Variants in NBPF11 observed in about 807,000 individuals in gnomAD.
NBPF11 encodes the protein NBPF family member NBPF11.
NBPF11 carries 72 observed loss-of-function variants against 93.9 expected under a neutral mutation model. The ratio of observed to expected loss-of-function variants is 0.77; its 90% CI spans 0.63 to 0.93. The LOEUF (loss-of-function observed/expected upper bound fraction) is 0.93, where lower values mean the gene tolerates loss of function less well. Among genes scored for constraint, NBPF11 ranks in the 40% least tolerant of loss-of-function variants. NBPF11 has a pLI of 0.00. For synonymous variants in NBPF11, 224 were observed against 304.9 expected, an observed-to-expected ratio of 0.73 and a Z score of 2.76; for missense variants, 705 against 802.2, an observed-to-expected ratio of 0.88 and a Z score of 1.46.
intron 20 of NBPF11, 33 bp from the exon 21 acceptor site, chr1:148,106,265 A>T: frequency 1.6e-6 from 1 of 625,154 alleles, no homozygotes. Flanking sequence ...CAGACAAAAT[A>T]AGCCAATTCA....
At chr1:148,118,093 T>C (rs1168361264) in intron 11 of NBPF11, among the ~76,000 whole-genome samples, 9 of 150,548 alleles carry the variant, frequency 6.0e-5, no homozygotes, top group Admixed American at 5.9e-4. Flanking sequence ...ACTCTGGCCA[T>C]GGACATTTCC....
chr1:148,133,575 T>C (rs1401703932), intron 4 of NBPF11, among the ~76,000 whole-genome samples: 1 of 152,244 alleles, frequency 6.6e-6, no homozygotes, highest in Admixed American at 6.5e-5. Flanking sequence ...ATGCTTTTAC[T>C]GTGTATGACC....
In NBPF11 at chr1:148,120,375, C is replaced by T. The variant is rs1442218519; in HGVS notation, c.988+126G>A. ...CAACTTTAACAAAATGTTAAAATACCCATTTCTGTTTTCCTAGAAGTATGG... is the reference window on the plus strand; with the variant it reads ...CAACTTTAACAAAATGTTAAAATACTCATTTCTGTTTTCCTAGAAGTATGG... On this transcript the variant is annotated intron_variant, in intron 10 of 23. Transcript: ENST00000682118. 61 of 696,410 alleles carry T rather than the reference C, an allele frequency of 8.8e-5. No individual in the cohort carries two copies. In the East Asian group the frequency reaches 1.6e-3, roughly 18 times the overall value. The allele number at this position is 696,410 out of a possible 1,614,324, so 43.1% of individuals were successfully genotyped here.
In NBPF11 at chr1:148,120,716, G is replaced by T. The variant is rs1159425351; in HGVS notation, c.779-6C>A. On this transcript the variant is annotated splice_polypyrimidine_tract_variant and splice_region_variant and intron_variant, in intron 9 of 23. Coordinates refer to ENST00000682118, the MANE Select transcript of NBPF11 (RefSeq NM_001385469.3). ...AGAAGAGGTGGGGCCAGGGACTGGG[G>T]AGAAGAAAGGCAAACATATGATGGG... 246 of 1,490,804 alleles carry T rather than the reference G, an allele frequency of 1.7e-4. 1 individual carries two copies. In the South Asian group the frequency reaches 2.7e-3, roughly 16 times the overall value. The allele number at this position is 1,490,804 out of a possible 1,614,324, so 92.3% of individuals were successfully genotyped here.
At position 148,146,359 on chromosome 1, in the gene NBPF11, G is replaced by T. The variant is rs1391876260; in HGVS notation, c.-548-2673C>A. ...CAGGCCGGGCGGCGTTGTTGGCGGG[G>T]GCCCCGGTGGAGGCCCGGCCCGGGC... On this transcript the variant is annotated intron_variant, in intron 1 of 23. Transcript: ENST00000682118. The T allele has an allele frequency of 1.3e-5, 20 of 1,495,654 alleles. No homozygotes were observed. In the South Asian group the frequency reaches 2.6e-4, roughly 19 times the overall value. 92.6% of individuals were successfully genotyped at this position (1,495,654 alleles called of 1,614,324 possible).
At chr1:148,135,948 T>A in intron 3 of NBPF11, 135 bp from the exon 4 acceptor site, 2 of 667,606 alleles carry the variant, frequency 3.0e-6, no homozygotes, top group Non-Finnish European at 5.2e-6. Context: ...GTCACAGGAT[T>A]CTTTACATGA....
At chr1:148,146,766 G>T in intron 1 of NBPF11, 3 of 1,613,134 alleles carry the variant, frequency 1.9e-6, no homozygotes, top group Non-Finnish European at 2.5e-6. Flanking sequence ...CCGTGGACCT[G>T]GGCCAGATGA....
chr1:148,128,828 C>G (rs1669671997), intron 4 of NBPF11, among the ~76,000 whole-genome samples: 1 of 150,800 alleles, frequency 6.6e-6, no homozygotes, highest in Non-Finnish European at 1.5e-5. Context: ...TTATTTCACT[C>G]AAAATCGTTT....
At chr1:148,143,011 G>C (rs1190476762) in intron 2 of NBPF11, among the ~76,000 whole-genome samples, 14 of 152,260 alleles carry the variant, frequency 9.2e-5, no homozygotes, top group Admixed American at 7.8e-4. Context: ...TGGGGGATGC[G>C]GGTGGACAGG....
At position 148,102,296 on chromosome 1, in the gene NBPF11, G is replaced by C. The variant is rs1176271182; in HGVS notation, c.*1600C>G. ...TAAAAATTGAGACCCAAAATTTGCA[G>C]CGTAGAGATATGAATATAATAATAG... On this transcript the variant is annotated 3_prime_UTR_variant, in exon 24 of 24. Coordinates refer to ENST00000682118, the MANE Select transcript of NBPF11 (RefSeq NM_001385469.3). 1 of 151,862 alleles carries C rather than the reference G, an allele frequency of 6.6e-6. No homozygotes were observed. Among genetic ancestry groups the C allele is most frequent in the African/African-American group, 2.4e-5 (1 of 41,136 alleles). 9.4% of individuals were successfully genotyped at this position (151,862 alleles called of 1,614,324 possible).
At chr1:148,125,330 T>C (rs1449078560) in intron 5 of NBPF11, among the ~76,000 whole-genome samples, 1 of 151,944 alleles carries the variant, frequency 6.6e-6, no homozygotes, top group East Asian at 1.9e-4. Flanking sequence ...CAGCCTCTCC[T>C]CTAAAACACT....
At chr1:148,116,778 T>C (rs1666659877) in intron 12 of NBPF11, among the ~76,000 whole-genome samples, 2 of 152,040 alleles carry the variant, frequency 1.3e-5, no homozygotes, top group African/African-American at 4.8e-5. Flanking sequence ...TTGCTTCCCA[T>C]ATCACTGGAG....
At chr1:148,123,272 T>C (rs1357848489) in intron 7 of NBPF11, among the ~76,000 whole-genome samples, 5 of 151,992 alleles carry the variant, frequency 3.3e-5, no homozygotes, top group African/African-American at 1.2e-4. Flanking sequence ...ATTCTATCCA[T>C]GGGGAGTGCT....
chr1:148,115,570 CTA>C (rs1666318054), intron 14 of NBPF11, among the ~76,000 whole-genome samples: 1 of 151,762 alleles, frequency 6.6e-6, no homozygotes. Context: ...ACTGAGGTGA[CTA>C]TGAGATTGTC....
intron 5 of NBPF11, among the ~76,000 whole-genome samples, chr1:148,126,294 C>T (rs1356074722): frequency 1.9e-4 from 29 of 152,054 alleles, no homozygotes; most frequent in South Asian, 6.2e-4. Flanking sequence ...CCACGTTGCA[C>T]GGCCCCTACT....
chr1:148,121,630 C>A (rs1253558362), intron 9 of NBPF11, among the ~76,000 whole-genome samples: 4 of 151,770 alleles, frequency 2.6e-5, no homozygotes, highest in Non-Finnish European at 5.9e-5. Context: ...GCTCGGATTA[C>A]AGGTGTGACC....
At chr1:148,149,382 T>A in intron 1 of NBPF11, 1 of 1,594,634 alleles carries the variant, frequency 6.3e-7, no homozygotes, top group South Asian at 1.1e-5. Flanking sequence ...GTGCTCATCA[T>A]CCACGGCAGG....
intron 4 of NBPF11, among the ~76,000 whole-genome samples, chr1:148,132,035 T>G (rs1202822452): frequency 7.3e-6 from 1 of 136,430 alleles, no homozygotes; most frequent in African/African-American, 2.8e-5. Flanking sequence ...CCTATGCTAA[T>G]TGACCATTCA....
intron 14 of NBPF11, among the ~76,000 whole-genome samples, chr1:148,114,785 A>G (rs1666086105): frequency 6.8e-6 from 1 of 147,192 alleles, no homozygotes; most frequent in Admixed American, 6.8e-5. Flanking sequence ...TGGTCAAACA[A>G]TTTTCTAAGA....
Sources: gnomAD v4.1 joint callset for allele counts (sites outside exome capture counted in the v4.1 genomes callset) on GRCh38, gnomAD v4.1.1 for gene constraint, MANE v1.5 for transcripts, NCBI Gene and HGNC (gene_info 2026-07-23, HGNC 2026-07-21) for gene names.